The following TP53BP1 variants were observed in gnomAD, a reference collection of about 807,000 sequenced individuals.
The protein encoded by TP53BP1 is TP53-binding protein 1.
TP53BP1 carries 61 observed loss-of-function variants against 200.8 expected under a neutral mutation model. That is an observed-to-expected ratio of 0.30 (90% CI 0.25 to 0.38). The LOEUF is 0.38. Among genes scored for constraint, TP53BP1 ranks in the 10% least tolerant of loss-of-function variants. The probability of loss-of-function intolerance (pLI) is 1.00; values close to 1 mark genes in which losing one functional copy is unlikely to be tolerated. For missense variants in TP53BP1, 2,144 were observed against 2,371.9 expected (o/e 0.90, Z 2.00); for synonymous variants, 822 against 844.3 (o/e 0.97, Z 0.46).
chr15:43,471,583 C>T (rs1481627684), intron 10 of TP53BP1, among the ~76,000 whole-genome samples: 1 of 152,070 alleles, frequency 6.6e-6, no homozygotes, highest in East Asian at 1.9e-4. Context: ...CCCGCCACCA[C>T]ACCCAGTTAA....
intron 9 of TP53BP1, 24 bp from the exon 10 acceptor site, chr15:43,474,791 G>T: frequency 7.8e-6 from 12 of 1,535,508 alleles, no homozygotes; most frequent in Non-Finnish European, 1.1e-5. Context: ...GAGAATCACA[G>T]GTTATTTTAC....
intron 11 of TP53BP1, among the ~76,000 whole-genome samples, chr15:43,457,721 G>C (rs2143010853): frequency 7.2e-6 from 1 of 137,964 alleles, no homozygotes; most frequent in South Asian, 2.4e-4. Flanking sequence ...TCATAAAGCA[G>C]GTATTAAAAT....
At chr15:43,475,461 C>CA in intron 9 of TP53BP1, 104 bp downstream of exon 9, 1 of 1,388,414 alleles carries the variant, frequency 7.2e-7, no homozygotes, top group Admixed American at 2.2e-5. Context: ...CATTTGGTTT[C>CA]AAAAAGAATT....
chr15:43,435,688 TATTA>T (rs1028272084), intron 16 of TP53BP1, among the ~76,000 whole-genome samples: 2 of 148,966 alleles, frequency 1.3e-5, no homozygotes, highest in Non-Finnish European at 1.5e-5. Context: ...TTATGCTACC[TATTA>T]ATTTTTTTTT....
chr15:43,438,478 T>A, intron 15 of TP53BP1, 62 bp from the exon 16 acceptor site: 1 of 1,387,628 alleles, frequency 7.2e-7, no homozygotes, highest in Non-Finnish European at 1.0e-6. Flanking sequence ...TTTTGGAGAT[T>A]ATCCTTTTAT....
rs990888803 is a variant in TP53BP1, at chr15:43,405,134, T to C, written c.*2249A>G. On this transcript the variant is annotated 3_prime_UTR_variant, in exon 28 of 28. Transcript: ENST00000382044. ...TTATTTAGATCACAGGTTATCCTGA[T>C]TCATATTTCTTTGAAGGTAGTCTTG... 240 of 1,556,564 alleles carry C rather than the reference T, an allele frequency of 1.5e-4. 3 individuals are homozygous for C. The Middle Eastern group carries it at 1.8e-3, about 12-fold the overall frequency.
chr15:43,420,387 C>T lies in TP53BP1; in HGVS notation c.4599G>A (p.Leu1533=). The change falls in exon 21 of 28, where the codon TTG becomes TTA. Residue 1533 remains leucine, a synonymous_variant. Coordinates refer to ENST00000382044, the MANE Select transcript of TP53BP1 (RefSeq NM_001141980.3). ...GGTCACATAACAGAATGTCTTTGCC[C>T]AACACATCACATTCGTACCCATCAT... ...LFDDGYECDV[L]GKDILLCDPI... is the part of the protein sequence containing the mutation. The T allele has an allele frequency of 3.1e-6, 5 of 1,614,118 alleles. No individual in the cohort carries two copies. The highest frequency in any genetic ancestry group is 4.2e-6 in the Non-Finnish European group (5 of 1,180,016).
chr15:43,427,468 G>C (rs112707208), intron 18 of TP53BP1, among the ~76,000 whole-genome samples: 98 of 152,262 alleles, frequency 6.4e-4, no homozygotes, highest in African/African-American at 2.3e-3. Flanking sequence ...TACAGAAAAG[G>C]AAAGCATGAT....
In TP53BP1 at chr15:43,474,756, T is replaced by C. The variant is rs776692276; in HGVS notation, c.1097A>G (p.Asp366Gly). 1.2e-6 allele frequency: 2 copies of C among 1,608,332 alleles called. No homozygotes were observed. The highest frequency in any genetic ancestry group is 1.7e-6 in the Non-Finnish European group (2 of 1,174,856). ...VQDSLSTNSS[D>G]LVAPSPDAFR... The stretch of plus-strand genomic sequence containing the variant: ...AGCATCAGGAGAAGGAGCAACAAGA[T>C]CTGAAGAATTCCTTTATATAAAGAG... Residue 366 changes from aspartate to glycine, a missense_variant, in exon 10 of 28, where the codon GAT (aspartate) becomes GGT (glycine). Asp to Gly is a moderately conservative substitution (Grantham distance 94). Around this residue, in one of 4 missense-constraint regions of TP53BP1, gnomAD observed 1,700 missense variants for 1,710.3 expected, o/e 0.99. Transcript: ENST00000382044.
intron 18 of TP53BP1, among the ~76,000 whole-genome samples, chr15:43,424,236 A>G (rs2045474483): frequency 6.6e-6 from 1 of 152,122 alleles, no homozygotes; most frequent in African/African-American, 2.4e-5. Context: ...CCCCACTGCC[A>G]TTTACAGACC....
intron 12 of TP53BP1, among the ~76,000 whole-genome samples, chr15:43,453,897 G>A (rs577704747): frequency 6.6e-6 from 1 of 151,124 alleles, no homozygotes; most frequent in South Asian, 2.2e-4. Context: ...ATCACACTTA[G>A]ACAATGGGTA....
At chr15:43,458,579 A>C (rs555038954) in intron 11 of TP53BP1, among the ~76,000 whole-genome samples, 1 of 152,224 alleles carries the variant, frequency 6.6e-6, no homozygotes, top group African/African-American at 2.4e-5. Flanking sequence ...CAGGAGTTCA[A>C]GACCAGCCTG....
intron 11 of TP53BP1, among the ~76,000 whole-genome samples, chr15:43,463,013 T>C (rs145428225): frequency 0.011 from 1,714 of 152,144 alleles, 25 homozygotes; most frequent in African/African-American, 0.039. Context: ...GCTGAGATCA[T>C]GCCACTGCAC....
At chr15:43,455,598 T>C (rs549647316) in intron 12 of TP53BP1, among the ~76,000 whole-genome samples, 4 of 151,954 alleles carry the variant, frequency 2.6e-5, no homozygotes, top group Non-Finnish European at 5.9e-5. Flanking sequence ...CATGAGCCTA[T>C]AGTCCCAGCT....
At position 43,491,721 on chromosome 15, in the gene TP53BP1, C is replaced by G; in HGVS notation, c.319G>C (p.Gly107Arg). 2 of 1,614,040 alleles carry G rather than the reference C, an allele frequency of 1.2e-6. No individual in the cohort carries two copies. Among genetic ancestry groups the G allele is most frequent in the Non-Finnish European group, 1.7e-6 (2 of 1,179,928 alleles). The change falls in exon 4 of 28, where the codon GGT (glycine) becomes CGT (arginine). Residue 107 changes from glycine (G) to arginine (R), a missense_variant. Transcript: ENST00000382044. ...PVDSSNLDTC[G>R]SISQVIEQLP... Reference sequence around the variant, plus strand: ...TGCTCAATGACCTGACTGATGGAACCACATGTGTCCAAGTTAGAAGAATCC... The same window carrying G: ...TGCTCAATGACCTGACTGATGGAACGACATGTGTCCAAGTTAGAAGAATCC...
chr15:43,504,521 T>G (rs754589163), intron 1 of TP53BP1, among the ~76,000 whole-genome samples: 1 of 152,180 alleles, frequency 6.6e-6, no homozygotes, highest in African/African-American at 2.4e-5. Context: ...GCAGAAGTAG[T>G]TGGGTTTGAG....
intron 10 of TP53BP1, among the ~76,000 whole-genome samples, chr15:43,472,166 G>T (rs1446307960): frequency 1.3e-5 from 2 of 152,178 alleles, no homozygotes; most frequent in African/African-American, 4.8e-5. Context: ...CATCTCATTA[G>T]TTGAAAAATC....
At chr15:43,501,203 A>ATT (rs36110259) in intron 1 of TP53BP1, among the ~76,000 whole-genome samples, 37,007 of 145,156 alleles carry the variant, frequency 0.25, 7,377 homozygotes, top group African/African-American at 0.55. Context: ...TAATTGTGTA[A>ATT]TTTTTTTTTT....
chr15:43,492,569 G>A, intron 1 of TP53BP1, 101 bp from the exon 2 acceptor site: 1 of 922,786 alleles, frequency 1.1e-6, no homozygotes, highest in Non-Finnish European at 1.7e-6. Flanking sequence ...GCTGGGAAAC[G>A]GGACCACTTC....
Sources: gnomAD v4.1 joint callset for allele counts (sites outside exome capture counted in the v4.1 genomes callset) on GRCh38, gnomAD v4.1.1 for gene constraint, gnomAD v4.1.1 regional missense constraint, MANE v1.5 for transcripts, NCBI Gene and HGNC (gene_info 2026-07-23, HGNC 2026-07-21) for gene names.